MYH16: variants seen among roughly 807,000 people sequenced by gnomAD.
The protein encoded by MYH16 is putative uncharacterized protein MYH16.
chr7:99,245,148 C>G (rs1210508067), intron 2 of MYH16, among the ~76,000 whole-genome samples: 1 of 152,208 alleles, frequency 6.6e-6, no homozygotes, highest in Non-Finnish European at 1.5e-5. Flanking sequence ...GACTCCATGG[C>G]TGGTGTCCCA....
chr7:99,269,838 G>A (rs1285047736), intron 18 of MYH16, among the ~76,000 whole-genome samples: 2 of 148,920 alleles, frequency 1.3e-5, no homozygotes, highest in Admixed American at 1.3e-4. Flanking sequence ...CTCAACCTTG[G>A]CTATACATTA....
intron 20 of MYH16, 42 bp downstream of exon 2, chr7:99,273,465 T>A (rs1175342282): frequency 2.2e-6 from 1 of 456,226 alleles, no homozygotes; most frequent in Admixed American, 2.3e-5. Context: ...TGCTGCTGCC[T>A]ATGGGCTGGG....
chr7:99,278,081 C>T (rs1393010739), intron 21 of MYH16, among the ~76,000 whole-genome samples: 1 of 152,074 alleles, frequency 6.6e-6, no homozygotes, highest in African/African-American at 2.4e-5. Context: ...ACCTCAGCCT[C>T]CCGAGTAGCT....
intron 1 of MYH16, among the ~76,000 whole-genome samples, chr7:99,241,594 C>T (rs755868879): frequency 6.6e-6 from 1 of 152,040 alleles, no homozygotes; most frequent in Non-Finnish European, 1.5e-5. Flanking sequence ...GAAAAAACAA[C>T]AAAACAAAAA....
intron 32 of MYH16, among the ~76,000 whole-genome samples, chr7:99,293,180 A>T (rs1182742696): frequency 1.3e-5 from 2 of 152,192 alleles, no homozygotes; most frequent in African/African-American, 4.8e-5. Context: ...AAACTCCTCT[A>T]TAGACTTTTC....
chr7:99,243,576 T>C (rs1032095743), intron 2 of MYH16, among the ~76,000 whole-genome samples: 29 of 152,160 alleles, frequency 1.9e-4, no homozygotes, highest in African/African-American at 6.8e-4. Flanking sequence ...GTTTCTGACA[T>C]GTTAGAATTT....
rs1791971835 is a variant in MYH16 at position 99,264,863 on chromosome 7, C to A, written n.1942-241C>A. 2.0e-5 allele frequency among the ~76,000 whole-genome samples: 3 copies of A among 152,186 alleles called. No homozygotes were observed. In the South Asian group the frequency reaches 6.2e-4, roughly 32 times the overall value. On this transcript the variant is annotated intron_variant and non_coding_transcript_variant, in intron 15 of 41. Coordinates refer to ENST00000439784, the Ensembl canonical transcript of MYH16. ...GAATCTGGAGGGGCCCCACTTCTTG[C>A]AAACCACGGCCCCTTGAGCAAGTCA... is the stretch of plus-strand genomic sequence containing the variant.
chr7:99,262,436 G>A (rs1192539323), intron 13 of MYH16, among the ~76,000 whole-genome samples: 2 of 152,198 alleles, frequency 1.3e-5, no homozygotes, highest in Non-Finnish European at 2.9e-5. Flanking sequence ...CAGCAGGCTT[G>A]GGACCAAATT....
At chr7:99,242,146 C>A (rs540712598) in intron 1 of MYH16, among the ~76,000 whole-genome samples, 13 of 152,224 alleles carry the variant, frequency 8.5e-5, no homozygotes, top group Non-Finnish European at 1.8e-4. Context: ...CAGGCATGAG[C>A]CACTGCACCC....
chr7:99,244,856 G>T (rs904227122), intron 2 of MYH16, among the ~76,000 whole-genome samples: 3 of 152,232 alleles, frequency 2.0e-5, no homozygotes, highest in African/African-American at 7.2e-5. Context: ...GGGCTGCTCT[G>T]CCCGCAAGCC....
chr7:99,296,554 C>G (rs2150832568), intron 33 of MYH16, 147 bp from the exon 15 acceptor site: 1 of 375,174 alleles, frequency 2.7e-6, no homozygotes, highest in South Asian at 2.0e-5. Flanking sequence ...TCTGCCATAG[C>G]TGTTGAATTA....
At chr7:99,242,722 G>C (rs1389957633) in intron 1 of MYH16, among the ~76,000 whole-genome samples, 2 of 152,146 alleles carry the variant, frequency 1.3e-5, no homozygotes. Context: ...ATTGTGCATG[G>C]TCAGTTACAG....
intron 29 of MYH16, among the ~76,000 whole-genome samples, chr7:99,288,637 G>A (rs953486098): frequency 2.7e-5 from 4 of 146,820 alleles, no homozygotes; most frequent in African/African-American, 5.1e-5. Flanking sequence ...GCATTGAGCC[G>A]AGATTGCGCC....
At chr7:99,239,570 C>T (rs992408480) in intron 1 of MYH16, among the ~76,000 whole-genome samples, 4 of 152,112 alleles carry the variant, frequency 2.6e-5, no homozygotes, top group African/African-American at 7.2e-5. Flanking sequence ...TGGCTTTTAA[C>T]GTGTTGCAAG....
At chr7:99,265,583 C>G (rs1262850791) in exon 17 of MYH16, 1 of 153,720 alleles carries the variant, frequency 6.5e-6, no homozygotes, top group Non-Finnish European at 1.5e-5. Flanking sequence ...TGATAGACGC[C>G]CACCTGATCA....
chr7:99,276,486 G>A (rs931921031), intron 20 of MYH16, among the ~76,000 whole-genome samples: 1 of 152,264 alleles, frequency 6.6e-6, no homozygotes, highest in Non-Finnish European at 1.5e-5. Flanking sequence ...TGCAGATGCA[G>A]GGCAGAATAC....
intron 31 of MYH16, among the ~76,000 whole-genome samples, 168 bp downstream of exon 12, chr7:99,291,618 C>CCT (rs1554338951): frequency 4.1e-4 from 2 of 4,844 alleles, no homozygotes; most frequent in African/African-American, 7.2e-4. Flanking sequence ...CACAGCAAGA[C>CCT]CCCCCCCCAC....
chr7:99,306,672 G>GA lies in MYH16; in HGVS notation n.5700dup, dbSNP rs987469290. On this transcript the variant is annotated non_coding_transcript_exon_variant, in exon 42 of 42. Coordinates refer to ENST00000439784, the Ensembl canonical transcript of MYH16. ...GACGGTGCATGAGCTGGATGACGCT[G>GA]AGGACCGGGCTGGCATGGCAGAGAC... is the stretch of plus-strand genomic sequence containing the variant. The GA allele has an allele frequency of 2.0e-5, 3 of 152,862 alleles. No individual in the cohort carries two copies. In the Admixed American group the frequency reaches 2.0e-4, roughly 10 times the overall value. 9.5% of individuals were successfully genotyped at this position (152,862 alleles called of 1,614,324 possible).
chr7:99,294,268 G>A (rs878910017), intron 33 of MYH16, 118 bp downstream of exon 14: 8 of 347,620 alleles, frequency 2.3e-5, no homozygotes, highest in South Asian at 1.5e-4. Context: ...GTTCAAGAAG[G>A]TGCAATGCAG....
Sources: gnomAD v4.1 joint callset for allele counts (sites outside exome capture counted in the v4.1 genomes callset) on GRCh38, gnomAD v4.1.1 for gene constraint, MANE v1.5 for transcripts, NCBI Gene and HGNC (gene_info 2026-07-23, HGNC 2026-07-21) for gene names.